GLMN: variants seen among roughly 807,000 people sequenced by gnomAD.
GLMN encodes glomulin, FKBP associated protein.
In GLMN, 75 loss-of-function variants were observed where a neutral mutation model predicts 87.8. That is an observed-to-expected ratio of 0.85 (90% confidence interval 0.71 to 1.04). GLMN has a LOEUF of 1.04. Ranked by LOEUF, GLMN falls within the 50% of genes least tolerant of loss-of-function variation. The pLI is 0.00. For missense variants in GLMN, 588 were observed against 658.8 expected (o/e 0.89, Z 1.18); for synonymous variants, 206 against 221.6 (o/e 0.93, Z 0.63).
At chr1:92,307,198 G>A in the GLMN span, 1 of 1,609,716 alleles carries the variant, frequency 6.2e-7, no homozygotes, top group East Asian at 2.2e-5. Flanking sequence ...TCTTTTTGCA[G>A]CAATTTTTGT....
the GLMN span, among the ~76,000 whole-genome samples, chr1:92,334,141 T>C: frequency 6.6e-6 from 1 of 152,196 alleles, no homozygotes; most frequent in Non-Finnish European, 1.5e-5. Flanking sequence ...GTGTCAGTCA[T>C]TATTTAAGGG....
the GLMN span, chr1:92,336,203 A>G: frequency 2.9e-5 from 18 of 628,378 alleles, no homozygotes; most frequent in African/African-American, 1.5e-4. Context: ...GTTCTCACCA[A>G]TCATAACCTA....
chr1:92,273,887 A>C (rs1656531567), intron 7 of GLMN, among the ~76,000 whole-genome samples: 1 of 152,178 alleles, frequency 6.6e-6, no homozygotes, highest in South Asian at 2.1e-4. Flanking sequence ...AGTCTTGCTC[A>C]GATCCAGGCT....
At chr1:92,300,403 C>G (rs75968796), upstream of GLMN, among the ~76,000 whole-genome samples, 2 of 151,944 alleles carry the variant, frequency 1.3e-5, no homozygotes, top group African/African-American at 4.8e-5. Context: ...TAGACTGTTA[C>G]ATTCCTCTAC....
the GLMN span, among the ~76,000 whole-genome samples, chr1:92,317,038 G>C: frequency 6.6e-6 from 1 of 152,142 alleles, no homozygotes; most frequent in East Asian, 1.9e-4. Context: ...CCTGTGAAAG[G>C]GATTAAGCAA....
the GLMN span, chr1:92,336,304 A>T: frequency 7.1e-7 from 1 of 1,416,626 alleles, no homozygotes; most frequent in Non-Finnish European, 9.9e-7. Context: ...AAAAGTTTCC[A>T]TATAATTTTG....
chr1:92,310,460 C>T, the GLMN span, among the ~76,000 whole-genome samples: 2 of 152,008 alleles, frequency 1.3e-5, no homozygotes, highest in African/African-American at 4.8e-5. Flanking sequence ...GTCAGTCTTC[C>T]TTTAGGGAGG....
chr1:92,291,872 C>T (rs183805441), intron 3 of GLMN, among the ~76,000 whole-genome samples: 157 of 152,156 alleles, frequency 1.0e-3, no homozygotes, highest in Non-Finnish European at 4.4e-4. Flanking sequence ...CAATTTTGCT[C>T]CCCTTATTCA....
At chr1:92,299,116 G>C (rs1257182237), upstream of GLMN, 23 of 1,522,094 alleles carry the variant, frequency 1.5e-5, no homozygotes, top group East Asian at 2.6e-5. Flanking sequence ...CCGCAAGGCC[G>C]GGGCTCCCCG....
rs1557526329 is a variant in GLMN, at chr1:92,264,559, A to G, written c.1294T>C (p.Leu432=). Reference sequence around the variant, plus strand: ...CACTTTGGCTATGTTCTTACCTTTAATGACATGTCAATTTGATTTTTGATA... The same window carrying G: ...CACTTTGGCTATGTTCTTACCTTTAGTGACATGTCAATTTGATTTTTGATA... The part of the protein sequence containing the change: ...QNIKNQIDMS[L]KRTRNNKWFT... Residue 432 remains leucine, a synonymous_variant, in exon 14 of 19, where the codon TTA becomes CTA. Transcript: ENST00000370360. 3 of 1,487,266 alleles carry G rather than the reference A, an allele frequency of 2.0e-6. No individual in the cohort carries two copies. The Admixed American group carries it at 5.0e-5, about 25-fold the overall frequency. 92.1% of individuals were successfully genotyped at this position (1,487,266 alleles called of 1,614,324 possible). A position where few individuals can be genotyped will look rare whatever the true frequency, so the allele number is the denominator to read the frequency against.
At chr1:92,254,563 G>T (rs182684778) in intron 16 of GLMN, among the ~76,000 whole-genome samples, 1 of 152,178 alleles carries the variant, frequency 6.6e-6, no homozygotes, top group African/African-American at 2.4e-5. Flanking sequence ...GACTAACAGC[G>T]GTTCTCTCTG....
the GLMN span, among the ~76,000 whole-genome samples, chr1:92,315,496 T>G: frequency 6.6e-6 from 1 of 152,158 alleles, no homozygotes; most frequent in Non-Finnish European, 1.5e-5. Flanking sequence ...AACATTCAAT[T>G]TGTAAAAAAT....
At chr1:92,354,077 A>T in the GLMN span, among the ~76,000 whole-genome samples, 2 of 152,180 alleles carry the variant, frequency 1.3e-5, no homozygotes, top group African/African-American at 4.8e-5. Flanking sequence ...TATCCCAAGC[A>T]GCAGCAGTGG....
chr1:92,269,839 C>T (rs1418189196), intron 8 of GLMN, 63 bp from the exon 9 acceptor site: 9 of 1,063,292 alleles, frequency 8.5e-6, no homozygotes, highest in African/African-American at 1.6e-5. Context: ...TACACACATA[C>T]ATATTGTTAT....
At chr1:92,327,248 C>T in the GLMN span, among the ~76,000 whole-genome samples, 1 of 152,172 alleles carries the variant, frequency 6.6e-6, no homozygotes, top group Non-Finnish European at 1.5e-5. Context: ...CTAGTGCTGT[C>T]AGTGGAGTAC....
chr1:92,271,498 C>T lies in GLMN; in HGVS notation c.890G>A (p.Gly297Asp), dbSNP rs529779120. 13 of 1,612,994 alleles carry T rather than the reference C, an allele frequency of 8.1e-6. No individual in the cohort carries two copies. In the African/African-American group the frequency reaches 1.7e-4, roughly 22 times the overall value. ...ASLAYLVFVQ[G>D]IHIDQLPMVL... The stretch of plus-strand genomic sequence containing the variant: ...CATTGGAAGCTGATCAATATGGATG[C>T]CCTGTACAAATACTAGATATGCCAG... The change falls in exon 8 of 19, where the codon GGC becomes GAC. Residue 297 changes from glycine (G) to aspartate (D), a missense_variant. Physicochemically the swap from Gly to Asp is moderately conservative, Grantham distance 94. Transcript: ENST00000370360.
intron 16 of GLMN, among the ~76,000 whole-genome samples, chr1:92,254,395 T>A (rs1004296638): frequency 6.6e-6 from 1 of 151,906 alleles, no homozygotes; most frequent in Non-Finnish European, 1.5e-5. Context: ...AGGCCAACAG[T>A]CAAATTCAGA....
chr1:92,363,153 A>G, the GLMN span, among the ~76,000 whole-genome samples: 1 of 152,200 alleles, frequency 6.6e-6, no homozygotes, highest in Non-Finnish European at 1.5e-5. Flanking sequence ...TAAGATAAGG[A>G]AGTGGAGTCA....
At chr1:92,313,669 T>A in the GLMN span, among the ~76,000 whole-genome samples, 1 of 152,202 alleles carries the variant, frequency 6.6e-6, no homozygotes, top group African/African-American at 2.4e-5. Context: ...AAGAGAGTCA[T>A]CCTGTCCTTT....
Sources: gnomAD v4.1 joint callset for allele counts (sites outside exome capture counted in the v4.1 genomes callset) on GRCh38, gnomAD v4.1.1 for gene constraint, MANE v1.5 for transcripts, NCBI Gene and HGNC (gene_info 2026-07-23, HGNC 2026-07-21) for gene names.